SENP6: variants seen among roughly 807,000 people sequenced by gnomAD.
The protein encoded by SENP6 is SUMO specific peptidase 6, also known as sentrin-specific protease 6.
Under a neutral mutation model 134.5 loss-of-function variants are expected in SENP6, and 41 were observed. That is an observed-to-expected ratio of 0.30 (90% CI 0.24 to 0.40). The LOEUF (loss-of-function observed/expected upper bound fraction) is 0.40, where lower values mean the gene tolerates loss of function less well. Ranked by LOEUF, SENP6 falls within the 10% of genes least tolerant of loss-of-function variation. The pLI is 1.00. For missense variants in SENP6, 1,248 were observed against 1,312.5 expected (o/e 0.95, Z 0.76); for synonymous variants, 395 against 429.8 (o/e 0.92, Z 1.00).
intron 11 of SENP6, among the ~76,000 whole-genome samples, chr6:75,671,583 G>C (rs1041968526): frequency 2.4e-4 from 36 of 152,118 alleles, no homozygotes; most frequent in African/African-American, 8.7e-4. Flanking sequence ...TTAGCCGGGG[G>C]CAGTGGCATG....
At chr6:75,647,580 G>T in intron 6 of SENP6, 151 bp from the exon 7 acceptor site, 1 of 423,422 alleles carries the variant, frequency 2.4e-6, no homozygotes. Context: ...TCATTTATTG[G>T]TATAGTTTTG....
At chr6:75,628,257 CTTT>C (rs1239910793) in intron 3 of SENP6, among the ~76,000 whole-genome samples, 3 of 152,014 alleles carry the variant, frequency 2.0e-5, no homozygotes, top group Admixed American at 1.3e-4. Flanking sequence ...AATTGAAAAT[CTTT>C]TTATTATCCT....
At chr6:75,697,721 G>A in intron 18 of SENP6, 1 of 463,752 alleles carries the variant, frequency 2.2e-6, no homozygotes, top group Non-Finnish European at 3.9e-6. Flanking sequence ...AGAGACAATA[G>A]ACCAGATACC....
chr6:75,678,400 TA>T (rs751648179), intron 14 of SENP6, 182 bp from the exon 15 acceptor site: 46 of 520,220 alleles, frequency 8.8e-5, no homozygotes, highest in Non-Finnish European at 1.4e-4. Flanking sequence ...AAGCTACAGA[TA>T]ATAAGAAAGT....
chr6:75,655,437 C>G (rs1771241935), intron 7 of SENP6: 2 of 152,178 alleles, frequency 1.3e-5, no homozygotes, highest in Non-Finnish European at 2.9e-5. Flanking sequence ...GGAAAGTTCC[C>G]TCATGTTCTT....
At chr6:75,691,333 T>C (rs981566052) in intron 16 of SENP6, among the ~76,000 whole-genome samples, 7 of 151,734 alleles carry the variant, frequency 4.6e-5, no homozygotes, top group Admixed American at 1.3e-4. Context: ...CTTGGAGATA[T>C]AGGGTCTTCC....
intron 16 of SENP6, among the ~76,000 whole-genome samples, chr6:75,693,425 A>AC (rs1221239036): frequency 1.2e-4 from 18 of 151,570 alleles, no homozygotes; most frequent in Admixed American, 7.2e-4. Context: ...AAAAAAAAAA[A>AC]AAAACACCAA....
chr6:75,612,180 C>T (rs1159702444), intron 1 of SENP6, among the ~76,000 whole-genome samples: 1 of 152,154 alleles, frequency 6.6e-6, no homozygotes, highest in African/African-American at 2.4e-5. Flanking sequence ...AAGACCTCTT[C>T]AGATGGCCTC....
chr6:75,714,856 G>A (rs919136658), intron 23 of SENP6, among the ~76,000 whole-genome samples: 1 of 152,096 alleles, frequency 6.6e-6, no homozygotes, highest in African/African-American at 2.4e-5. Flanking sequence ...TCAGGTCTTA[G>A]CCTAAACATC....
intron 16 of SENP6, among the ~76,000 whole-genome samples, chr6:75,686,396 T>C (rs1485033093): frequency 1.3e-5 from 2 of 152,230 alleles, no homozygotes; most frequent in Admixed American, 6.5e-5. Context: ...CCCATTTACA[T>C]TTAAAGTTAA....
intron 3 of SENP6, among the ~76,000 whole-genome samples, 161 bp from the exon 4 acceptor site, chr6:75,633,420 A>G (rs1387253825): frequency 6.6e-6 from 1 of 152,226 alleles, no homozygotes; most frequent in African/African-American, 2.4e-5. Context: ...TAGGAAAAAA[A>G]AAGTAGGCAG....
At chr6:75,660,921 G>A (rs949569482) in intron 8 of SENP6, among the ~76,000 whole-genome samples, 4 of 152,150 alleles carry the variant, frequency 2.6e-5, no homozygotes, top group East Asian at 1.9e-4. Context: ...GTGAGCCACC[G>A]CGCCTGGCCA....
intron 5 of SENP6, among the ~76,000 whole-genome samples, chr6:75,638,624 T>A (rs397834526): frequency 2.0e-3 from 68 of 33,904 alleles, no homozygotes; most frequent in South Asian, 6.3e-3. Context: ...ATATATATAT[T>A]TTTTTTTTTT....
intron 1 of SENP6, among the ~76,000 whole-genome samples, chr6:75,605,696 T>C (rs1766975280): frequency 1.3e-5 from 2 of 152,184 alleles, no homozygotes; most frequent in African/African-American, 4.8e-5. Context: ...GCAGGAGATC[T>C]TTCATGCAGG....
At chr6:75,686,326 T>C (rs1387263215) in intron 16 of SENP6, among the ~76,000 whole-genome samples, 1 of 152,172 alleles carries the variant, frequency 6.6e-6, no homozygotes, top group Non-Finnish European at 1.5e-5. Context: ...TACAGCACAC[T>C]GATGGGTCTT....
intron 19 of SENP6, among the ~76,000 whole-genome samples, chr6:75,703,960 G>T (rs1047632494): frequency 6.6e-6 from 1 of 152,124 alleles, no homozygotes; most frequent in African/African-American, 2.4e-5. Flanking sequence ...ATTAACAGTA[G>T]TTGTGCAGTC....
intron 14 of SENP6, 88 bp downstream of exon 14, chr6:75,677,344 G>A (rs1012915195): frequency 3.5e-6 from 3 of 865,852 alleles, no homozygotes; most frequent in African/African-American, 3.5e-5. Context: ...GTTCATTTCA[G>A]TGTTAAATCT....
chr6:75,603,496 TTAACTA>T (rs1300659443), intron 1 of SENP6, among the ~76,000 whole-genome samples: 3 of 152,254 alleles, frequency 2.0e-5, no homozygotes, highest in Non-Finnish European at 4.4e-5. Context: ...TTAAAAAGAA[TTAACTA>T]CTCTTTGGAT....
intron 9 of SENP6, 152 bp downstream of exon 9, chr6:75,663,670 TA>T (rs532324883): frequency 1.8e-5 from 11 of 602,986 alleles, no homozygotes; most frequent in African/African-American, 5.8e-5. Flanking sequence ...CTTAAATAGT[TA>T]AAAAAAACAA....
Sources: allele counts gnomAD v4.1 joint callset (sites outside exome capture counted in the v4.1 genomes callset), GRCh38; gene constraint gnomAD v4.1.1; transcripts MANE v1.5; gene names NCBI Gene and HGNC (gene_info 2026-07-23, HGNC 2026-07-21).